Variants in EYS observed in about 807,000 individuals in gnomAD.
EYS encodes the protein EGF-like photoreceptor maintenance factor.
Under a neutral mutation model 282.1 loss-of-function variants are expected in EYS, and 250 were observed. The ratio of observed to expected loss-of-function variants is 0.89; its 90% CI spans 0.80 to 0.98. The LOEUF (loss-of-function observed/expected upper bound fraction) is 0.98, where lower values mean the gene tolerates loss of function less well. Ranked by LOEUF, EYS falls within the 50% of genes least tolerant of loss-of-function variation. The pLI, the probability that EYS is intolerant of heterozygous loss-of-function variation, is 0.00. For missense variants in EYS, 4,016 were observed against 3,709.0 expected (o/e 1.08, Z -2.15); for synonymous variants, 1,355 against 1,282.9 (o/e 1.06, Z -1.20).
intron 29 of EYS, among the ~76,000 whole-genome samples, chr6:64,343,653 G>A (rs1167485373): frequency 3.3e-5 from 5 of 151,900 alleles, no homozygotes; most frequent in African/African-American, 1.2e-4. Flanking sequence ...AAGAACTGGA[G>A]AAGCAAGAGC....
intron 26 of EYS, among the ~76,000 whole-genome samples, chr6:64,537,270 T>C (rs1764546744): frequency 6.7e-6 from 1 of 149,450 alleles, no homozygotes; most frequent in Non-Finnish European, 1.5e-5. Flanking sequence ...TGGTTTTTTG[T>C]TCTTGTGATA....
intron 15 of EYS, among the ~76,000 whole-genome samples, chr6:64,942,911 C>G (rs1056126821): frequency 1.2e-4 from 18 of 149,868 alleles, no homozygotes; most frequent in Non-Finnish European, 2.5e-4. Flanking sequence ...GATACCAAAA[C>G]CTGGAAAAGA....
At chr6:63,839,831 T>C (rs1352361322) in intron 36 of EYS, among the ~76,000 whole-genome samples, 1 of 152,196 alleles carries the variant, frequency 6.6e-6, no homozygotes, top group Non-Finnish European at 1.5e-5. Flanking sequence ...AGTTTACAGT[T>C]TCACCAACAG....
intron 35 of EYS, among the ~76,000 whole-genome samples, chr6:63,917,078 A>T (rs1344340644): frequency 6.6e-6 from 1 of 152,244 alleles, no homozygotes; most frequent in Non-Finnish European, 1.5e-5. Flanking sequence ...AAATTTTTCA[A>T]AGATATTTGT....
chr6:64,660,925 G>T (rs1329200455), intron 22 of EYS, among the ~76,000 whole-genome samples: 1 of 152,172 alleles, frequency 6.6e-6, no homozygotes, highest in Non-Finnish European at 1.5e-5. Context: ...AGCCCGCATT[G>T]CCAAGTCAAT....
intron 26 of EYS, among the ~76,000 whole-genome samples, chr6:64,468,439 T>A (rs756009971): frequency 5.3e-5 from 8 of 152,234 alleles, no homozygotes; most frequent in Non-Finnish European, 7.3e-5. Flanking sequence ...TTTACGTTGA[T>A]ACACAGATAT....
chr6:64,412,684 G>A (rs1773940956), intron 28 of EYS: 1 of 152,038 alleles, frequency 6.6e-6, no homozygotes, highest in South Asian at 2.1e-4. Flanking sequence ...TCTTCTGGTG[G>A]AAATTAGCAT....
chr6:64,631,640 T>A (rs1767786431), intron 22 of EYS: 1 of 152,144 alleles, frequency 6.6e-6, no homozygotes, highest in African/African-American at 2.4e-5. Flanking sequence ...CATGGGAGTT[T>A]TATAGATTTT....
chr6:64,073,623 C>G (rs1771666915), intron 32 of EYS, among the ~76,000 whole-genome samples: 1 of 151,658 alleles, frequency 6.6e-6, no homozygotes, highest in Admixed American at 6.6e-5. Context: ...GAAGAAAATT[C>G]TAAGTAATGA....
At chr6:64,512,998 A>G (rs1235093818) in intron 26 of EYS, among the ~76,000 whole-genome samples, 4 of 151,650 alleles carry the variant, frequency 2.6e-5, no homozygotes, top group Non-Finnish European at 5.9e-5. Context: ...TGTTGCATTG[A>G]TTTTACTTAA....
At chr6:64,021,364 T>G (rs9344659) in intron 33 of EYS, among the ~76,000 whole-genome samples, 48,572 of 151,090 alleles carry the variant, frequency 0.32, 7,978 homozygotes, top group Middle Eastern at 0.38. Context: ...AATGCCTAGA[T>G]ACATGTTTCT....
intron 40 of EYS, among the ~76,000 whole-genome samples, chr6:63,772,438 T>TTA (rs1042245734): frequency 1.3e-5 from 2 of 152,282 alleles, no homozygotes; most frequent in Non-Finnish European, 2.9e-5. Context: ...TTCATTTGGT[T>TTA]TATATATATC....
In EYS at chr6:64,301,175, T is replaced by TTTATTAC. The variant is rs1286424801; in HGVS notation, c.6191+5794_6191+5795insGTAATAA. ...TCAGTAAGACCTCAAAAGCTTAAAT[T>TTTATTAC]AAATACTAAAAACTTACGTACCTTA... On this transcript the variant is annotated intron_variant, in intron 30 of 42. Coordinates refer to ENST00000503581, the MANE Select transcript of EYS (RefSeq NM_001142800.2). Among the ~76,000 whole-genome samples the TTTATTAC allele has an allele frequency of 7.2e-5, 11 of 152,346 alleles. No individual in the cohort carries two copies. The South Asian group carries it at 1.2e-3, about 17-fold the overall frequency.
At chr6:65,577,197 C>T (rs1764700903) in intron 2 of EYS, among the ~76,000 whole-genome samples, 1 of 151,844 alleles carries the variant, frequency 6.6e-6, no homozygotes, top group African/African-American at 2.4e-5. Flanking sequence ...GTAATCAAAA[C>T]AGCATGGTAC....
In EYS at chr6:64,997,638, C is replaced by A; in HGVS notation, c.2203G>T (p.Asp735Tyr). 1 of 1,551,208 alleles carries A rather than the reference C, an allele frequency of 6.4e-7. No individual in the cohort carries two copies. Among genetic ancestry groups the A allele is most frequent in the Non-Finnish European group, 8.7e-7 (1 of 1,146,564 alleles). ...YVGIRCEQDI[D>Y]DCILNACEHN... is the part of the protein sequence containing the mutation. ...TCACAGGCATTCAGGATGCAGTCAT[C>A]AATGTCCTGTTCACATCTTATCCCA... The change falls in exon 14 of 43, where the codon GAT (aspartate) becomes TAT (tyrosine). Residue 735 changes from aspartate to tyrosine, a missense_variant. Physicochemically the swap from Asp to Tyr is radical, Grantham distance 160. Coordinates refer to ENST00000503581, the MANE Select transcript of EYS (RefSeq NM_001142800.2).
chr6:64,580,039 A>C (rs1204173900), intron 26 of EYS, among the ~76,000 whole-genome samples: 1 of 152,060 alleles, frequency 6.6e-6, no homozygotes. Context: ...TTTAAGTCCC[A>C]GGGTGTTTTC....
intron 36 of EYS, among the ~76,000 whole-genome samples, chr6:63,810,346 AATT>A (rs891840272): frequency 1.4e-5 from 2 of 140,928 alleles, no homozygotes; most frequent in Non-Finnish European, 3.1e-5. Context: ...TTTTAATCTG[AATT>A]ATTAAAGTTT....
intron 13 of EYS, among the ~76,000 whole-genome samples, chr6:65,004,316 G>A (rs535995645): frequency 6.8e-6 from 1 of 147,682 alleles, no homozygotes; most frequent in Admixed American, 6.7e-5. Context: ...GGTACTTAGT[G>A]AAGATAACTG....
intron 36 of EYS, among the ~76,000 whole-genome samples, chr6:63,809,882 C>T (rs1433684211): frequency 6.6e-6 from 1 of 152,008 alleles, no homozygotes; most frequent in African/African-American, 2.4e-5. Flanking sequence ...AAATTTTTCT[C>T]ATTCCCAATA....
Sources: gnomAD v4.1 joint callset for allele counts (sites outside exome capture counted in the v4.1 genomes callset) on GRCh38, gnomAD v4.1.1 for gene constraint, MANE v1.5 for transcripts, NCBI Gene and HGNC (gene_info 2026-07-23, HGNC 2026-07-21) for gene names.